Variants in HFM1 observed in about 807,000 individuals in gnomAD.
HFM1 encodes the protein helicase for meiosis 1, also known as probable ATP-dependent DNA helicase HFM1.
Under a neutral mutation model 192.1 loss-of-function variants are expected in HFM1, and 169 were observed. The observed-to-expected ratio is 0.88, with a 90% CI of 0.78 to 1.00. HFM1 has a LOEUF of 1.00. HFM1 is among the 50% of genes least tolerant of loss of function. The pLI is 0.00. For missense variants in HFM1, 1,661 were observed against 1,668.0 expected (o/e 1.00, Z 0.07); for synonymous variants, 525 against 537.8 (o/e 0.98, Z 0.33).
At chr1:91,319,800 C>A (rs1391566353) in intron 23 of HFM1, among the ~76,000 whole-genome samples, 1 of 152,046 alleles carries the variant, frequency 6.6e-6, no homozygotes, top group African/African-American at 2.4e-5. Context: ...TATTTCTTTT[C>A]AAAGAATTAG....
chr1:91,296,208 C>G (rs534945504), intron 30 of HFM1, among the ~76,000 whole-genome samples: 2 of 152,170 alleles, frequency 1.3e-5, no homozygotes, highest in Non-Finnish European at 2.9e-5. Context: ...CGTGAGCCAC[C>G]GCGCCCAGAC....
intron 23 of HFM1, among the ~76,000 whole-genome samples, chr1:91,321,912 C>T (rs1418684838): frequency 6.6e-6 from 1 of 152,110 alleles, no homozygotes; most frequent in Non-Finnish European, 1.5e-5. Context: ...TTTAATTTGA[C>T]TCAATAATTT....
chr1:91,290,051 G>A (rs1407397893), intron 30 of HFM1, among the ~76,000 whole-genome samples: 5 of 151,946 alleles, frequency 3.3e-5, no homozygotes, highest in South Asian at 2.1e-4. Flanking sequence ...TGAAGGAAGT[G>A]CTAAACATGG....
intron 13 of HFM1, among the ~76,000 whole-genome samples, chr1:91,364,512 G>T (rs1224964162): frequency 2.7e-5 from 4 of 149,116 alleles, no homozygotes; most frequent in African/African-American, 9.9e-5. Context: ...ATTGTTCATA[G>T]TAGTTAAGAT....
At chr1:91,296,580 A>G (rs1647619852) in intron 30 of HFM1, among the ~76,000 whole-genome samples, 1 of 152,198 alleles carries the variant, frequency 6.6e-6, no homozygotes, top group South Asian at 2.1e-4. Context: ...CCCTGCTGAA[A>G]TTGGGATGAC....
At chr1:91,306,956 C>G (rs1649695339) in intron 30 of HFM1, among the ~76,000 whole-genome samples, 1 of 152,126 alleles carries the variant, frequency 6.6e-6, no homozygotes, top group Non-Finnish European at 1.5e-5. Context: ...CAAACTATGT[C>G]AAATTTATCA....
At chr1:91,316,317 G>A (rs1320295429) in intron 26 of HFM1, 74 bp downstream of exon 26, 1 of 1,051,510 alleles carries the variant, frequency 9.5e-7, no homozygotes, top group East Asian at 2.5e-5. Context: ...CTATGAGAAG[G>A]AAAATAACTT....
intron 30 of HFM1, among the ~76,000 whole-genome samples, chr1:91,286,146 A>G (rs2100864187): frequency 6.6e-6 from 1 of 152,336 alleles, no homozygotes; most frequent in Middle Eastern, 3.4e-3. Context: ...GAGAAATATC[A>G]GCACCCCTAG....
intron 34 of HFM1, among the ~76,000 whole-genome samples, chr1:91,269,732 A>G (rs183269882): frequency 7.2e-5 from 11 of 152,330 alleles, no homozygotes; most frequent in Admixed American, 3.3e-4. Context: ...TCCTGAGGTG[A>G]TAACATATGA....
intron 34 of HFM1, among the ~76,000 whole-genome samples, chr1:91,269,755 C>T (rs1045195171): frequency 1.3e-5 from 2 of 152,040 alleles, no homozygotes; most frequent in East Asian, 1.9e-4. Context: ...GAAGAGTAGT[C>T]GGAATTTCAG....
intron 13 of HFM1, among the ~76,000 whole-genome samples, chr1:91,368,460 C>A (rs147182913): frequency 1.6e-4 from 25 of 152,042 alleles, no homozygotes; most frequent in South Asian, 6.2e-4. Context: ...CTTAAAGAAA[C>A]GAATTTTCAA....
At chr1:91,366,822 G>A (rs983646412) in intron 13 of HFM1, among the ~76,000 whole-genome samples, 37 of 152,326 alleles carry the variant, frequency 2.4e-4, no homozygotes, top group Admixed American at 1.5e-3. Context: ...CGCCTCACCC[G>A]GGAAATGCAA....
chr1:91,274,759 A>T lies in HFM1; in HGVS notation c.3639T>A (p.Thr1213=). ...ATATACTAGGAAGGGAAGGTTTTGG[A>T]GTAAAACCAAACTCTTTAAGGTCCA... is the stretch of plus-strand genomic sequence containing the variant. ...QSVDLKEFGF[T]PKPSLPSISR... The change falls in exon 33 of 39, where the codon ACT becomes ACA. Residue 1213 remains threonine, a synonymous_variant. Coordinates refer to ENST00000370425, the MANE Select transcript of HFM1 (RefSeq NM_001017975.6). The T allele has an allele frequency of 6.4e-7, 1 of 1,563,114 alleles. No homozygotes were observed. The highest frequency in any genetic ancestry group is 1.7e-4 in the Middle Eastern group (1 of 5,830).
intron 20 of HFM1, among the ~76,000 whole-genome samples, chr1:91,342,868 A>G (rs1254830693): frequency 6.6e-6 from 1 of 152,200 alleles, no homozygotes; most frequent in Non-Finnish European, 1.5e-5. Context: ...ACAGGTTTAA[A>G]GCAACCCAAA....
chr1:91,378,923 G>T, intron 9 of HFM1, 140 bp downstream of exon 9: 1 of 545,048 alleles, frequency 1.8e-6, no homozygotes, highest in Non-Finnish European at 3.1e-6. Context: ...ACCTTGAATT[G>T]TAGTATTTTT....
chr1:91,276,655 T>C lies in HFM1; in HGVS notation c.3561A>G (p.Ser1187=), dbSNP rs760420235. The C allele has an allele frequency of 2.1e-5, 32 of 1,557,474 alleles. No homozygotes were observed. Among genetic ancestry groups the C allele is most frequent in the Admixed American group, 8.3e-5 (4 of 48,184 alleles). The change falls in exon 32 of 39, where the codon TCA becomes TCG. Residue 1187 remains serine, a synonymous_variant. Transcript: ENST00000370425. ...TCAGACGTTTAACTGGAGGAACAGA[T>C]GAAACAGCATTCCTGTTTCTTAAAT... The part of the protein sequence containing the change: ...LSDLRNRNAV[S]SVPPVKRLKI...
At chr1:91,371,774 A>G (rs988001139) in intron 13 of HFM1, among the ~76,000 whole-genome samples, 5 of 151,824 alleles carry the variant, frequency 3.3e-5, no homozygotes, top group Admixed American at 3.3e-4. Flanking sequence ...GTACAGCAAA[A>G]GAAACTACCA....
In HFM1 at chr1:91,394,227, CT is replaced by C. The variant is rs1395463123; in HGVS notation, c.359del (p.Lys120SerfsTer2). ...TATATTTCTGAGAAGCATATGTCAG[CT>C]TGCCAGCAATATGTGATAAGTCATT... ...GNNDLSHIAG[K>X]LTYASQKYKN... is the part of the protein sequence containing the mutation. On this transcript the variant is annotated frameshift_variant, in exon 4 of 39. Transcript: ENST00000370425. LOFTEE classifies it high-confidence loss of function. 6.3e-7 allele frequency: 1 copy of C among 1,599,780 alleles called. No homozygotes were observed. The highest frequency in any genetic ancestry group is 8.6e-7 in the Non-Finnish European group (1 of 1,167,094).
chr1:91,266,148 ACAG>A (rs1333179741), intron 35 of HFM1, 41 bp from the exon 36 acceptor site: 1 of 1,538,044 alleles, frequency 6.5e-7, no homozygotes, highest in African/African-American at 1.4e-5. Flanking sequence ...ATGCCAAGAA[ACAG>A]CTGAATGAAG....
Sources: allele counts gnomAD v4.1 joint callset (sites outside exome capture counted in the v4.1 genomes callset), GRCh38; gene constraint gnomAD v4.1.1; transcripts MANE v1.5; gene names NCBI Gene and HGNC (gene_info 2026-07-23, HGNC 2026-07-21).